CD86: variants seen among roughly 807,000 people sequenced by gnomAD.
CD86 encodes CD86 molecule.
Under a neutral mutation model 32.1 loss-of-function variants are expected in CD86, and 11 were observed. That is an observed-to-expected ratio of 0.34 (90% confidence interval 0.22 to 0.57). The LOEUF (loss-of-function observed/expected upper bound fraction) is 0.57. CD86 is among the 20% of genes least tolerant of loss of function. The pLI is 0.86. For synonymous variants in CD86, 137 were observed against 135.3 expected (o/e 1.01, Z -0.09); for missense variants, 359 against 398.4 (o/e 0.90, Z 0.84).
At position 122,055,481 on chromosome 3, in the gene CD86, G is replaced by A. The variant is rs1424744830; in HGVS notation, c.-9G>A. Reference sequence around the variant, plus strand: ...TTCCAGATATTAGGTCACAGCAGAAGCAGCCAAAATGGATCCCCAGTGGTG... The same window carrying A: ...TTCCAGATATTAGGTCACAGCAGAAACAGCCAAAATGGATCCCCAGTGGTG... On this transcript the variant is annotated 5_prime_UTR_variant, in exon 1 of 7. Coordinates refer to ENST00000330540, the MANE Select transcript of CD86 (RefSeq NM_175862.5). 7.4e-6 allele frequency: 12 copies of A among 1,613,878 alleles called. No homozygotes were observed. The highest frequency in any genetic ancestry group is 1.0e-5 in the Non-Finnish European group (12 of 1,179,836).
chr3:122,075,458 C>T (rs534758672), intron 1 of CD86, among the ~76,000 whole-genome samples: 1 of 152,282 alleles, frequency 6.6e-6, no homozygotes, highest in East Asian at 1.9e-4. Context: ...GTAGCTGGTA[C>T]TTATGGATTG....
chr3:122,075,082 A>C (rs6808869), intron 1 of CD86, among the ~76,000 whole-genome samples: 3,106 of 151,374 alleles, frequency 0.021, 116 homozygotes, highest in African/African-American at 0.071. Context: ...GGGTTGCGAT[A>C]TGACTTGACA....
At chr3:122,097,763 T>C (rs539436562) in intron 2 of CD86, among the ~76,000 whole-genome samples, 1 of 152,200 alleles carries the variant, frequency 6.6e-6, no homozygotes, top group Admixed American at 6.5e-5. Flanking sequence ...TACTAGGTAC[T>C]GAGTCAGAGT....
chr3:122,076,163 A>G (rs942782726), intron 1 of CD86, among the ~76,000 whole-genome samples: 2 of 152,218 alleles, frequency 1.3e-5, no homozygotes, highest in Non-Finnish European at 2.9e-5. Flanking sequence ...TTCTAAATAG[A>G]TTTACTTAAA....
rs147711464 is a variant in CD86, at chr3:122,106,391, C to G, written c.594C>G (p.Asp198Glu). The change falls in exon 4 of 7, where the codon GAC becomes GAG. Residue 198 changes from aspartate (D) to glutamate (E), a missense_variant. Coordinates refer to ENST00000330540, the MANE Select transcript of CD86 (RefSeq NM_175862.5). The part of the protein sequence containing the change: ...KSQDNVTELY[D>E]VSISLSVSFP... ...AAGATAATGTCACAGAACTGTACGACGTTTCCATCAGCTTGTCTGTTTCAT... is the reference window on the plus strand; with the variant it reads ...AAGATAATGTCACAGAACTGTACGAGGTTTCCATCAGCTTGTCTGTTTCAT... 1.2e-6 allele frequency: 2 copies of G among 1,613,922 alleles called. No homozygotes were observed. The highest frequency in any genetic ancestry group is 1.7e-6 in the Non-Finnish European group (2 of 1,179,792).
At chr3:122,097,864 C>T (rs553576948) in intron 2 of CD86, among the ~76,000 whole-genome samples, 2 of 152,164 alleles carry the variant, frequency 1.3e-5, no homozygotes, top group Admixed American at 1.3e-4. Context: ...GAGGAGGCTT[C>T]AGCAGAGGTG....
In CD86 at chr3:122,106,207, G is replaced by A. The variant is rs1002402062; in HGVS notation, c.410G>A (p.Ser137Asn). ...TCTCTTCTGCTTTCAGCTAACTTCA[G>A]TCAACCTGAAATAGTACCAATTTCT... is the stretch of plus-strand genomic sequence containing the variant. Reference protein sequence around the residue: ...NSELSVLANFSQPEIVPISNI... With the variant: ...NSELSVLANFNQPEIVPISNI... Residue 137 changes from serine (S) to asparagine (N), a missense_variant, in exon 4 of 7, where the codon AGT (serine) becomes AAT (asparagine). By Grantham distance (46) the Ser-to-Asn change is conservative. Transcript: ENST00000330540. 10 of 1,596,808 alleles carry A rather than the reference G, an allele frequency of 6.3e-6. No individual in the cohort carries two copies. The highest frequency in any genetic ancestry group is 7.7e-6 in the Non-Finnish European group (9 of 1,171,942).
At chr3:122,080,238 C>T (rs938160267) in intron 1 of CD86, among the ~76,000 whole-genome samples, 16 of 152,078 alleles carry the variant, frequency 1.1e-4, no homozygotes, top group Admixed American at 5.9e-4. Flanking sequence ...AGTGGATGAG[C>T]ACAGACTAGA....
At chr3:122,071,255 T>A (rs1217400890) in intron 1 of CD86, among the ~76,000 whole-genome samples, 1 of 152,176 alleles carries the variant, frequency 6.6e-6, no homozygotes, top group Non-Finnish European at 1.5e-5. Flanking sequence ...TTCACTGCCC[T>A]AAGAATCCCC....
intron 1 of CD86, among the ~76,000 whole-genome samples, chr3:122,057,925 A>G (rs1391370402): frequency 6.6e-6 from 1 of 152,262 alleles, no homozygotes; most frequent in Non-Finnish European, 1.5e-5. Context: ...GTGGCCGCAC[A>G]TTGAAGCCAG....
intron 2 of CD86, among the ~76,000 whole-genome samples, chr3:122,099,831 C>T (rs780760127): frequency 1.2e-4 from 18 of 152,194 alleles, no homozygotes; most frequent in Non-Finnish European, 2.2e-4. Context: ...TGGTGGCTAT[C>T]ATATTGTTCA....
Position 122,091,585 on chromosome 3 carries a change from T to G in CD86, c.15-16T>G, listed in dbSNP as rs753093906. 1 of 1,604,858 alleles carries G rather than the reference T, an allele frequency of 6.2e-7. No individual in the cohort carries two copies. Among genetic ancestry groups the G allele is most frequent in the Non-Finnish European group, 8.5e-7 (1 of 1,171,816 alleles). ...CTTTTCTAATCAAGTTTTACCTTTT[T>G]TTTTCTCGACTCTAGCACTATGGGA... On this transcript the variant is annotated splice_polypyrimidine_tract_variant and intron_variant, in intron 1 of 6. Coordinates refer to ENST00000330540, the MANE Select transcript of CD86 (RefSeq NM_175862.5).
Position 122,119,624 on chromosome 3 carries a change from A to T in CD86, c.*90A>T. On this transcript the variant is annotated 3_prime_UTR_variant, in exon 7 of 7. Coordinates refer to ENST00000330540, the MANE Select transcript of CD86 (RefSeq NM_175862.5). ...ACCTTTTTGATTTCTTCCAGAAGGC[A>T]AAAAGACATTACCATGAGTAATAAG... 2 of 785,504 alleles carry T rather than the reference A, an allele frequency of 2.5e-6. No homozygotes were observed. Among genetic ancestry groups the T allele is most frequent in the Non-Finnish European group, 4.3e-6 (2 of 461,110 alleles). 48.7% of individuals were successfully genotyped at this position (785,504 alleles called of 1,614,324 possible).
At chr3:122,110,627 G>A (rs182852003) in intron 5 of CD86, among the ~76,000 whole-genome samples, 36 of 152,284 alleles carry the variant, frequency 2.4e-4, no homozygotes, top group Admixed American at 5.9e-4. Context: ...AGCAACGATC[G>A]AATTTAAATA....
intron 1 of CD86, among the ~76,000 whole-genome samples, chr3:122,056,666 A>C (rs947313027): frequency 6.6e-6 from 1 of 152,310 alleles, no homozygotes; most frequent in South Asian, 2.1e-4. Flanking sequence ...TGTTCTTTGA[A>C]AATCGAAGTA....
At chr3:122,056,495 C>T (rs554131146) in intron 1 of CD86, among the ~76,000 whole-genome samples, 47 of 152,182 alleles carry the variant, frequency 3.1e-4, no homozygotes, top group African/African-American at 1.1e-3. Flanking sequence ...CCACCACGCC[C>T]GGCTAATTTT....
chr3:122,087,822 C>T lies in CD86; in HGVS notation c.15-3779C>T, dbSNP rs2072749030. Among the ~76,000 whole-genome samples the T allele has an allele frequency of 4.6e-5, 7 of 152,098 alleles. No individual in the cohort carries two copies. The South Asian group carries it at 1.5e-3, about 32-fold the overall frequency. On this transcript the variant is annotated intron_variant, in intron 1 of 6. Coordinates refer to ENST00000330540, the MANE Select transcript of CD86 (RefSeq NM_175862.5). ...CTCTGGATAGCTTCAGAGGACAAAA[C>T]TAGTATTGACGGAAGGAAGGTAAGG... is the stretch of plus-strand genomic sequence containing the variant.
At chr3:122,115,256 T>C (rs2073232415) in intron 5 of CD86, among the ~76,000 whole-genome samples, 1 of 152,164 alleles carries the variant, frequency 6.6e-6, no homozygotes, top group Non-Finnish European at 1.5e-5. Flanking sequence ...ATAGCATTTA[T>C]AATAGCATCA....
At chr3:122,076,368 A>G (rs1290581468) in intron 1 of CD86, among the ~76,000 whole-genome samples, 1 of 152,236 alleles carries the variant, frequency 6.6e-6, no homozygotes, top group East Asian at 1.9e-4. Flanking sequence ...TAAGTGAAAT[A>G]TGAGTTACTT....
Sources: allele counts gnomAD v4.1 joint callset (sites outside exome capture counted in the v4.1 genomes callset), GRCh38; gene constraint gnomAD v4.1.1; transcripts MANE v1.5; gene names NCBI Gene and HGNC (gene_info 2026-07-23, HGNC 2026-07-21).